Variants in SERPINB9 observed in about 807,000 individuals in gnomAD.
SERPINB9 encodes serpin family B member 9.
In SERPINB9, 20 loss-of-function variants were observed where a neutral mutation model predicts 27.2. That is an observed-to-expected ratio of 0.74 (90% confidence interval 0.52 to 1.07). SERPINB9 has a LOEUF of 1.07. Among genes scored for constraint, SERPINB9 ranks in the 50% least tolerant of loss-of-function variants. SERPINB9 has a pLI of 0.00. For missense variants in SERPINB9, 476 were observed against 460.1 expected (o/e 1.03, Z -0.32); for synonymous variants, 189 against 180.0 (o/e 1.05, Z -0.40).
chr6:2,887,806 C>A lies in SERPINB9; in HGVS notation c.*2357G>T. 6.9e-6 allele frequency: 1 copy of A among 145,410 alleles called. No individual in the cohort carries two copies. Among genetic ancestry groups the A allele is most frequent in the Non-Finnish European group, 1.5e-5 (1 of 67,364 alleles). The allele number at this position is 145,410 out of a possible 1,614,324, so 9.0% of individuals were successfully genotyped here. ...AGGTTGCAGTGAGCCCAGATCATGC[C>A]ACTACACTCCAGCCTGGGTGACAGA... On this transcript the variant is annotated 3_prime_UTR_variant, in exon 7 of 7. Transcript: ENST00000380698.
intron 2 of SERPINB9, among the ~76,000 whole-genome samples, chr6:2,899,447 C>T (rs774389553): frequency 2.0e-5 from 3 of 152,212 alleles, no homozygotes; most frequent in Non-Finnish European, 4.4e-5. Context: ...TCCAACCTCA[C>T]ACTGACATCA....
intron 3 of SERPINB9, 35 bp from the exon 4 acceptor site, chr6:2,895,543 G>A (rs935345445): frequency 8.1e-6 from 11 of 1,362,722 alleles, no homozygotes; most frequent in Admixed American, 7.4e-5. Flanking sequence ...AGGCTGCATT[G>A]CTAAATACAA....
chr6:2,890,462 A>C lies in SERPINB9; in HGVS notation c.832T>G (p.Tyr278Asp). Residue 278 changes from tyrosine (Y) to aspartate (D), a missense_variant, in exon 7 of 7, where the codon TAT (tyrosine) becomes GAT (aspartate). Coordinates refer to ENST00000380698, the MANE Select transcript of SERPINB9 (RefSeq NM_004155.6). This position sits in a 1 kb window ranked among gnomAD's most constrained non-coding sequence, Gnocchi z 6.2. ...TGCCGAAGCACAGATTCCATGTCAT[A>C]ATCCTCTTGTAGTTTAAATTTTGGA... ...LLPKFKLQED[Y>D]DMESVLRHLG... The C allele has an allele frequency of 1.9e-6, 3 of 1,614,168 alleles. No individual in the cohort carries two copies. Among genetic ancestry groups the C allele is most frequent in the African/African-American group, 1.3e-5 (1 of 75,036 alleles).
Position 2,890,995 on chromosome 6 carries a change from A to T in SERPINB9, c.724-425T>A, listed in dbSNP as rs1463167160. Among the ~76,000 whole-genome samples the T allele has an allele frequency of 6.6e-6, 1 of 152,218 alleles. No homozygotes were observed. Among genetic ancestry groups the T allele is most frequent in the African/African-American group, 2.4e-5 (1 of 41,452 alleles). ...AACAGGATTATCTGTCCCAGGTGAG[A>T]TTCTGCATAGTTTCCGGAGCAGAGA... On this transcript the variant is annotated intron_variant, in intron 6 of 6. Coordinates refer to ENST00000380698, the MANE Select transcript of SERPINB9 (RefSeq NM_004155.6). This position sits in a 1 kb window ranked among gnomAD's most constrained non-coding sequence, Gnocchi z 6.2.
Position 2,888,187 on chromosome 6 carries a change from T to A in SERPINB9, c.*1976A>T, listed in dbSNP as rs1465071254. The stretch of plus-strand genomic sequence containing the variant: ...AAAAAAGGAAAAGGAAAATAATAAG[T>A]GTTGGTGAGGAAGTGGACAGAAATT... On this transcript the variant is annotated 3_prime_UTR_variant, in exon 7 of 7. Transcript: ENST00000380698. The A allele has an allele frequency of 6.6e-6, 1 of 152,050 alleles. No individual in the cohort carries two copies. Among genetic ancestry groups the A allele is most frequent in the Non-Finnish European group, 1.5e-5 (1 of 68,022 alleles). 9.4% of individuals were successfully genotyped at this position (152,050 alleles called of 1,614,324 possible).
At position 2,890,841 on chromosome 6, in the gene SERPINB9, G is replaced by A. The variant is rs1254890615; in HGVS notation, c.724-271C>T. ...TATCCAACAACTCCAGAGACATCTTGTATTGTGACAAGTGTCAATGCCCAG... is the reference window on the plus strand; with the variant it reads ...TATCCAACAACTCCAGAGACATCTTATATTGTGACAAGTGTCAATGCCCAG... On this transcript the variant is annotated intron_variant, in intron 6 of 6. Coordinates refer to ENST00000380698, the MANE Select transcript of SERPINB9 (RefSeq NM_004155.6). This position sits in a 1 kb window ranked among gnomAD's most constrained non-coding sequence, Gnocchi z 6.2. 1.3e-5 allele frequency among the ~76,000 whole-genome samples: 2 copies of A among 152,096 alleles called. No individual in the cohort carries two copies. The highest frequency in any genetic ancestry group is 2.9e-5 in the Non-Finnish European group (2 of 68,022).
At chr6:2,900,885 TCACACA>T (rs5742054) in intron 1 of SERPINB9, among the ~76,000 whole-genome samples, 1 of 141,482 alleles carries the variant, frequency 7.1e-6, no homozygotes, top group Non-Finnish European at 1.5e-5. Flanking sequence ...GCTCGCTCTC[TCACACA>T]CACACACACA....
In SERPINB9 at chr6:2,889,762, G is replaced by A. The variant is rs74408314; in HGVS notation, c.*401C>T. 2,074 of 158,496 alleles carry A rather than the reference G, an allele frequency of 0.013. 48 individuals are homozygous for A. The highest frequency in any genetic ancestry group is 0.047 in the African/African-American group (1,950 of 41,338). 9.8% of individuals were successfully genotyped at this position (158,496 alleles called of 1,614,324 possible). On this transcript the variant is annotated 3_prime_UTR_variant, in exon 7 of 7. Coordinates refer to ENST00000380698, the MANE Select transcript of SERPINB9 (RefSeq NM_004155.6). ...TTTACAACCTTTTTTATAAGGCTAAGCACCAGGAAATCTATAAAATAGTAG... is the reference window on the plus strand; with the variant it reads ...TTTACAACCTTTTTTATAAGGCTAAACACCAGGAAATCTATAAAATAGTAG...
rs903020324 is a variant in SERPINB9 at position 2,889,546 on chromosome 6, T to C, written c.*617A>G. On this transcript the variant is annotated 3_prime_UTR_variant, in exon 7 of 7. Transcript: ENST00000380698. ...CCGTCTCTACTAAAAATACAAAAAATTAGCCGGGCGTGGTGGCGGGCGCCT... is the reference window on the plus strand; with the variant it reads ...CCGTCTCTACTAAAAATACAAAAAACTAGCCGGGCGTGGTGGCGGGCGCCT... 7.3e-6 allele frequency: 1 copy of C among 137,540 alleles called. No individual in the cohort carries two copies. Among genetic ancestry groups the C allele is most frequent in the Admixed American group, 6.8e-5 (1 of 14,616 alleles). 8.5% of individuals were successfully genotyped at this position (137,540 alleles called of 1,614,324 possible).
rs543218417 is a variant in SERPINB9, at chr6:2,898,675, G to A, written c.168+1769C>T. Among the ~76,000 whole-genome samples the A allele has an allele frequency of 5.9e-5, 9 of 152,094 alleles. No individual in the cohort carries two copies. The East Asian group carries it at 9.7e-4, about 16-fold the overall frequency. Reference sequence around the variant, plus strand: ...TACTAAAAATAAAAATTAGCTGGGCGTGGGGGCGGGCACCTGTAGTCCCAG... The same window carrying A: ...TACTAAAAATAAAAATTAGCTGGGCATGGGGGCGGGCACCTGTAGTCCCAG... On this transcript the variant is annotated intron_variant, in intron 2 of 6. Coordinates refer to ENST00000380698, the MANE Select transcript of SERPINB9 (RefSeq NM_004155.6).
chr6:2,901,424 C>T (rs368272799), intron 1 of SERPINB9, among the ~76,000 whole-genome samples: 1 of 152,208 alleles, frequency 6.6e-6, no homozygotes, highest in Non-Finnish European at 1.5e-5. Context: ...TTACTCCCAG[C>T]AAAAGCCATG....
intron 1 of SERPINB9, among the ~76,000 whole-genome samples, chr6:2,902,942 C>T (rs1768250984): frequency 6.6e-6 from 1 of 152,190 alleles, no homozygotes; most frequent in African/African-American, 2.4e-5. Context: ...GGGAGGGCTT[C>T]GGCCAGGGAA....
chr6:2,900,246 C>A (rs1039116775), intron 2 of SERPINB9, among the ~76,000 whole-genome samples, 198 bp downstream of exon 2: 2 of 152,162 alleles, frequency 1.3e-5, no homozygotes, highest in African/African-American at 4.8e-5. Context: ...CCAAATAAAT[C>A]TCGGTGGAGC....
At position 2,894,647 on chromosome 6, in the gene SERPINB9, T is replaced by G. The variant is rs1767932469; in HGVS notation, c.424+744A>C. On this transcript the variant is annotated intron_variant, in intron 4 of 6. Coordinates refer to ENST00000380698, the MANE Select transcript of SERPINB9 (RefSeq NM_004155.6). The surrounding 1 kb of genome is among the most constrained non-coding windows in gnomAD (Gnocchi z 4.7). Reference sequence around the variant, plus strand: ...GGCAAGATCTGTCCACCAATCTCCTTCTCGCAGAGACAATGGAGTCACCTG... The same window carrying G: ...GGCAAGATCTGTCCACCAATCTCCTGCTCGCAGAGACAATGGAGTCACCTG... Among the ~76,000 whole-genome samples, 1 of 152,172 alleles carries G rather than the reference T, an allele frequency of 6.6e-6. No individual in the cohort carries two copies. The highest frequency in any genetic ancestry group is 1.5e-5 in the Non-Finnish European group (1 of 68,016).
At chr6:2,901,784 T>C (rs191054534) in intron 1 of SERPINB9, among the ~76,000 whole-genome samples, 79 of 152,218 alleles carry the variant, frequency 5.2e-4, no homozygotes, top group East Asian at 2.1e-3. Context: ...CACTTCGGAT[T>C]CTGTGCCTGG....
chr6:2,897,207 T>C (rs1278479888), intron 2 of SERPINB9, among the ~76,000 whole-genome samples: 1 of 152,020 alleles, frequency 6.6e-6, no homozygotes, highest in East Asian at 1.9e-4. Flanking sequence ...GGCTCATGCC[T>C]GTAATCCCAG....
chr6:2,890,465 C>G lies in SERPINB9; in HGVS notation c.829G>C (p.Asp277His). Residue 277 changes from aspartate (D) to histidine (H), a missense_variant, in exon 7 of 7, where the codon GAT (aspartate) becomes CAT (histidine). Transcript: ENST00000380698. The surrounding 1 kb of genome is among the most constrained non-coding windows in gnomAD (Gnocchi z 6.2). ...CGAAGCACAGATTCCATGTCATAATCCTCTTGTAGTTTAAATTTTGGAAGG... is the reference window on the plus strand; with the variant it reads ...CGAAGCACAGATTCCATGTCATAATGCTCTTGTAGTTTAAATTTTGGAAGG... ...VLLPKFKLQE[D>H]YDMESVLRHL... is the part of the protein sequence containing the mutation. 1 of 1,614,184 alleles carries G rather than the reference C, an allele frequency of 6.2e-7. No homozygotes were observed. The highest frequency in any genetic ancestry group is 8.5e-7 in the Non-Finnish European group (1 of 1,180,038).
intron 1 of SERPINB9, among the ~76,000 whole-genome samples, chr6:2,900,885 T>TCTCTCACACACACA (rs61100591): frequency 4.9e-4 from 70 of 141,570 alleles, no homozygotes; most frequent in African/African-American, 1.4e-3. Flanking sequence ...GCTCGCTCTC[T>TCTCTCACACACACA]CACACACACA....
chr6:2,893,187 CATAT>C (rs57141452), intron 5 of SERPINB9, among the ~76,000 whole-genome samples: 1 of 47,072 alleles, frequency 2.1e-5, no homozygotes, highest in African/African-American at 7.7e-5. Flanking sequence ...TAAAACACTA[CATAT>C]ATATATATAT....
Sources: gnomAD v4.1 joint callset for allele counts (sites outside exome capture counted in the v4.1 genomes callset) on GRCh38, gnomAD v4.1.1 for gene constraint, Gnocchi (gnomAD v3.1) non-coding constraint, MANE v1.5 for transcripts, NCBI Gene and HGNC (gene_info 2026-07-23, HGNC 2026-07-21) for gene names.